Variants in NR3C1 observed in about 807,000 individuals in gnomAD.
NR3C1 encodes nuclear receptor subfamily 3 group C member 1, also known as glucocorticoid receptor.
NR3C1 carries 14 observed loss-of-function variants against 74.0 expected under a neutral mutation model. The ratio of observed to expected loss-of-function variants is 0.19; its 90% CI spans 0.12 to 0.30. The LOEUF (loss-of-function observed/expected upper bound fraction) is 0.30, where lower values mean the gene tolerates loss of function less well. NR3C1 is among the 10% of genes least tolerant of loss of function. The probability of loss-of-function intolerance (pLI) is 1.00; values close to 1 mark genes in which losing one functional copy is unlikely to be tolerated. For synonymous variants in NR3C1, 308 were observed against 332.5 expected, an observed-to-expected ratio of 0.93 and a Z score of 0.80; for missense variants, 695 against 909.8, an observed-to-expected ratio of 0.76 and a Z score of 3.04.
chr5:143,306,344 A>G (rs1350759835), intron 4 of NR3C1, among the ~76,000 whole-genome samples: 1 of 149,544 alleles, frequency 6.7e-6, no homozygotes, highest in African/African-American at 2.4e-5. Context: ...GAACAAGAGA[A>G]TATTTCTGAA....
In NR3C1 at chr5:143,399,890, G is replaced by A. The variant is rs1431403444; in HGVS notation, c.950C>T (p.Ser317Phe). The change falls in exon 2 of 9, where the codon TCT (serine) becomes TTT (phenylalanine). Residue 317 changes from serine to phenylalanine, a missense_variant. Physicochemically the swap from Ser to Phe is radical, Grantham distance 155. This residue lies in a region of NR3C1 where 497 missense variants were observed against 489.5 expected (regional missense o/e 1.02). Coordinates refer to ENST00000394464, the MANE Select transcript of NR3C1 (RefSeq NM_000176.3). ...PGANIIGNKMSAISVHGVSTS... is the reference protein window; with the variant it reads ...PGANIIGNKMFAISVHGVSTS... ...ACTCACACCATGAACAGAAATGGCAGACATTTTATTACCAATTATATTTGC... is the reference window on the plus strand; with the variant it reads ...ACTCACACCATGAACAGAAATGGCAAACATTTTATTACCAATTATATTTGC... 6.2e-7 allele frequency: 1 copy of A among 1,614,164 alleles called. No homozygotes were observed. The highest frequency in any genetic ancestry group is 1.1e-5 in the South Asian group (1 of 91,082).
intron 4 of NR3C1, among the ~76,000 whole-genome samples, chr5:143,308,118 T>A (rs766563911): frequency 1.6e-4 from 24 of 152,156 alleles, no homozygotes; most frequent in Non-Finnish European, 2.8e-4. Flanking sequence ...ACAAGATGTC[T>A]ACACACAGTG....
intron 7 of NR3C1, 47 bp from the exon 8 acceptor site, chr5:143,282,772 CTTTTCTTTTT>C (rs1562691620): frequency 2.8e-6 from 4 of 1,453,052 alleles, no homozygotes; most frequent in South Asian, 1.3e-5. Flanking sequence ...TTTTTCTTTT[CTTTTCTTTTT>C]TTTTTTTTTT....
chr5:143,315,893 A>G (rs547515392), intron 2 of NR3C1, among the ~76,000 whole-genome samples: 29 of 152,326 alleles, frequency 1.9e-4, no homozygotes, highest in African/African-American at 6.7e-4. Context: ...GAATCTTGCC[A>G]ACTGCCTGCT....
At chr5:143,345,279 G>A (rs542789858) in intron 2 of NR3C1, among the ~76,000 whole-genome samples, 27 of 152,216 alleles carry the variant, frequency 1.8e-4, no homozygotes, top group African/African-American at 6.3e-4. Context: ...GCACAATCTC[G>A]GCTTACTGCA....
chr5:143,393,194 T>A (rs1341374955), intron 2 of NR3C1, among the ~76,000 whole-genome samples: 1 of 152,162 alleles, frequency 6.6e-6, no homozygotes, highest in Non-Finnish European at 1.5e-5. Flanking sequence ...TAAATCCTTA[T>A]CTTATAAAAA....
chr5:143,346,641 T>C (rs1431174372), intron 2 of NR3C1, among the ~76,000 whole-genome samples: 1 of 152,196 alleles, frequency 6.6e-6, no homozygotes, highest in African/African-American at 2.4e-5. Flanking sequence ...CAAAATAATG[T>C]TTATATCCTA....
chr5:143,395,771 C>G (rs545495040), intron 2 of NR3C1, among the ~76,000 whole-genome samples: 4 of 151,926 alleles, frequency 2.6e-5, no homozygotes, highest in African/African-American at 9.6e-5. Context: ...CACCTGCAGG[C>G]CAGAGTAGAC....
At chr5:143,288,147 C>G (rs1394893757) in intron 7 of NR3C1, among the ~76,000 whole-genome samples, 1 of 150,944 alleles carries the variant, frequency 6.6e-6, no homozygotes, top group Non-Finnish European at 1.5e-5. Flanking sequence ...GAGACGGAGC[C>G]TCACTCTGTT....
intron 4 of NR3C1, among the ~76,000 whole-genome samples, chr5:143,301,765 G>A (rs1318434838): frequency 6.6e-6 from 1 of 152,066 alleles, no homozygotes; most frequent in African/African-American, 2.4e-5. Context: ...ATTTTGCAAA[G>A]GGAAGAGTAA....
At chr5:143,354,146 A>G (rs1830693320) in intron 2 of NR3C1, among the ~76,000 whole-genome samples, 2 of 152,222 alleles carry the variant, frequency 1.3e-5, no homozygotes. Context: ...CCTTCATAGA[A>G]TTGAAGAGAG....
intron 4 of NR3C1, among the ~76,000 whole-genome samples, chr5:143,302,699 A>G (rs1481673177): frequency 6.6e-6 from 1 of 152,130 alleles, no homozygotes; most frequent in Non-Finnish European, 1.5e-5. Flanking sequence ...CAGCTCAGAA[A>G]GTACAATTGA....
chr5:143,324,595 C>CGGGAA (rs1824156972), intron 2 of NR3C1, among the ~76,000 whole-genome samples: 1 of 152,184 alleles, frequency 6.6e-6, no homozygotes, highest in Non-Finnish European at 1.5e-5. Context: ...TCCCCATGGT[C>CGGGAA]TTGGGGATTA....
chr5:143,417,120 T>TA (rs1482808350), intron 1 of NR3C1, among the ~76,000 whole-genome samples: 1 of 152,158 alleles, frequency 6.6e-6, no homozygotes, highest in Non-Finnish European at 1.5e-5. Context: ...GTTTTGTTTA[T>TA]AGTAGATTTG....
intron 2 of NR3C1, among the ~76,000 whole-genome samples, chr5:143,320,102 C>T (rs1267053073): frequency 6.6e-6 from 1 of 152,194 alleles, no homozygotes; most frequent in Non-Finnish European, 1.5e-5. Context: ...CAGCTGCACA[C>T]ACCAGGTGAT....
chr5:143,378,962 G>A (rs1349122192), intron 2 of NR3C1, among the ~76,000 whole-genome samples: 2 of 152,132 alleles, frequency 1.3e-5, no homozygotes, highest in East Asian at 3.9e-4. Flanking sequence ...TCTAGACTGG[G>A]ACTGTGTCTA....
intron 2 of NR3C1, among the ~76,000 whole-genome samples, chr5:143,337,048 T>C (rs1827285926): frequency 6.6e-6 from 1 of 152,100 alleles, no homozygotes; most frequent in South Asian, 2.1e-4. Context: ...CACACATATA[T>C]ATCTCCTTAA....
chr5:143,321,889 C>T (rs1823468748), intron 2 of NR3C1, among the ~76,000 whole-genome samples: 1 of 152,128 alleles, frequency 6.6e-6, no homozygotes, highest in African/African-American at 2.4e-5. Flanking sequence ...GTATATGTAT[C>T]CTGTTTCTAT....
chr5:143,346,462 C>T (rs907019280), intron 2 of NR3C1, among the ~76,000 whole-genome samples: 2 of 152,162 alleles, frequency 1.3e-5, no homozygotes, highest in Non-Finnish European at 2.9e-5. Context: ...TTGGCCTGAA[C>T]ATAGTTTATG....
Sources: gnomAD v4.1 joint callset for allele counts (sites outside exome capture counted in the v4.1 genomes callset) on GRCh38, gnomAD v4.1.1 for gene constraint, gnomAD v4.1.1 regional missense constraint, MANE v1.5 for transcripts, NCBI Gene and HGNC (gene_info 2026-07-23, HGNC 2026-07-21) for gene names.